The following PCDHA13 variants were observed in gnomAD, a reference collection of about 807,000 sequenced individuals.
The protein encoded by PCDHA13 is protocadherin alpha 13, also known as protocadherin alpha-13.
PCDHA13 carries 54 observed loss-of-function variants against 64.8 expected under a neutral mutation model. The ratio of observed to expected loss-of-function variants is 0.83; its 90% CI spans 0.67 to 1.04. PCDHA13 has a LOEUF of 1.04. Ranked by LOEUF, PCDHA13 falls within the 50% of genes least tolerant of loss-of-function variation. The pLI is 0.00. For synonymous variants in PCDHA13, 587 were observed against 564.4 expected (o/e 1.04, Z -0.57); for missense variants, 1,248 against 1,254.3 (o/e 0.99, Z 0.08).
chr5:140,997,606 A>G (rs1554255929), intron 3 of PCDHA13, among the ~76,000 whole-genome samples: 1 of 152,090 alleles, frequency 6.6e-6, no homozygotes, highest in Non-Finnish European at 1.5e-5. Context: ...TATGGGGCGC[A>G]TGACTATATA....
rs1169646324 is a variant in PCDHA13 at position 141,011,134 on chromosome 5, ATACACAACCT to A, written c.*1199_*1208del. The A allele has an allele frequency of 6.5e-6, 1 of 153,688 alleles. No homozygotes were observed. Among genetic ancestry groups the A allele is most frequent in the East Asian group, 1.9e-4 (1 of 5,194 alleles). The allele number at this position is 153,688 out of a possible 1,614,324, so 9.5% of individuals were successfully genotyped here. ...CTAAGAAACAATTATGTGCACTTTG[ATACACAACCT>A]TCTCTAACCAACTATATATCAAGAC... On this transcript the variant is annotated 3_prime_UTR_variant, in exon 4 of 4. Transcript: ENST00000289272.
chr5:140,909,496 G>C (rs1554193832), intron 1 of PCDHA13, among the ~76,000 whole-genome samples: 1 of 152,168 alleles, frequency 6.6e-6, no homozygotes, highest in African/African-American at 2.4e-5. Context: ...GCTGAACGGG[G>C]ATGTGGTGGG....
At chr5:140,954,618 G>C (rs1312581802) in intron 1 of PCDHA13, among the ~76,000 whole-genome samples, 3 of 152,078 alleles carry the variant, frequency 2.0e-5, no homozygotes, top group Non-Finnish European at 2.9e-5. Flanking sequence ...TAATGGGCTT[G>C]TTTGGGTTTT....
chr5:140,882,542 C>A lies in PCDHA13; in HGVS notation c.274C>A (p.Arg92Ser). ...TTTGTTTGTGAATTCTCGGATCGACCGCGAGGAGCTGTGTGGGCGGAGCGC... is the reference window on the plus strand; with the variant it reads ...TTTGTTTGTGAATTCTCGGATCGACAGCGAGGAGCTGTGTGGGCGGAGCGC... Reference protein sequence around the residue: ...GILFVNSRIDREELCGRSAEC... With the variant: ...GILFVNSRIDSEELCGRSAEC... Residue 92 changes from arginine (R) to serine (S), a missense_variant, in exon 1 of 4, where the codon CGC (arginine) becomes AGC (serine). Physicochemically the swap from Arg to Ser is moderately radical, Grantham distance 110. Coordinates refer to ENST00000289272, the MANE Select transcript of PCDHA13 (RefSeq NM_018904.3). The A allele has an allele frequency of 3.1e-6, 5 of 1,614,166 alleles. No individual in the cohort carries two copies. Among genetic ancestry groups the A allele is most frequent in the Non-Finnish European group, 3.4e-6 (4 of 1,180,040 alleles).
chr5:140,958,724 A>G (rs1563299236), intron 1 of PCDHA13, among the ~76,000 whole-genome samples: 1 of 152,188 alleles, frequency 6.6e-6, no homozygotes, highest in Admixed American at 6.5e-5. Context: ...TAAATGTAAC[A>G]CTGAATGGGA....
At chr5:140,986,397 C>T (rs943993265) in intron 3 of PCDHA13, among the ~76,000 whole-genome samples, 8 of 152,280 alleles carry the variant, frequency 5.3e-5, no homozygotes, top group Admixed American at 3.9e-4. Flanking sequence ...AAGGGCCAGT[C>T]GCTCATGTTA....
In PCDHA13 at chr5:140,883,696, G is replaced by C. The variant is rs142212706; in HGVS notation, c.1428G>C (p.Thr476=). Residue 476 remains threonine, a synonymous_variant, in exon 1 of 4, where the codon ACG becomes ACC. Transcript: ENST00000289272. ...ATCCGCCGGGCTGCCACATCTTCAC[G>C]GTGTCTGCTCAGGACGCGGACGCAC... ...ENNPPGCHIF[T]VSAQDADAQE... is the part of the protein sequence containing the mutation. The C allele has an allele frequency of 1.7e-4, 276 of 1,613,818 alleles. 1 individual carries two copies. In the African/African-American group the frequency reaches 3.2e-3, roughly 19 times the overall value.
In PCDHA13 at chr5:140,898,801, A is replaced by T. The variant is rs1275933236; in HGVS notation, c.2394+14139A>T. The stretch of plus-strand genomic sequence containing the variant: ...TGGGCAGTATGGCCATTTTCACGAT[A>T]CTGATTCTTCCTACCCATGAGCATG... On this transcript the variant is annotated intron_variant, in intron 1 of 3. Coordinates refer to ENST00000289272, the MANE Select transcript of PCDHA13 (RefSeq NM_018904.3). Among the ~76,000 whole-genome samples the T allele has an allele frequency of 1.3e-5, 2 of 152,200 alleles. 1 individual carries two copies. The highest frequency in any genetic ancestry group is 3.8e-4 in the East Asian group (2 of 5,198).
At chr5:140,937,866 C>T (rs892440956) in intron 1 of PCDHA13, among the ~76,000 whole-genome samples, 4 of 150,734 alleles carry the variant, frequency 2.7e-5, no homozygotes, top group African/African-American at 4.9e-5. Flanking sequence ...GAGCCGAGAT[C>T]GCGCCACTGC....
intron 3 of PCDHA13, among the ~76,000 whole-genome samples, chr5:141,004,120 T>C (rs1340380913): frequency 6.6e-6 from 1 of 152,178 alleles, no homozygotes; most frequent in African/African-American, 2.4e-5. Flanking sequence ...AAAGGGAGTA[T>C]CTCCATGATT....
intron 1 of PCDHA13, among the ~76,000 whole-genome samples, chr5:140,902,264 C>G (rs1187258512): frequency 6.8e-6 from 1 of 147,240 alleles, no homozygotes; most frequent in Admixed American, 6.9e-5. Context: ...TCTCGAACTC[C>G]TGGGCTCAAG....
chr5:140,887,125 C>A (rs1391575318), intron 1 of PCDHA13, among the ~76,000 whole-genome samples: 1 of 150,082 alleles, frequency 6.7e-6, no homozygotes, highest in East Asian at 2.0e-4. Context: ...GAGACGGAGT[C>A]TCACTCTGTC....
intron 1 of PCDHA13, among the ~76,000 whole-genome samples, chr5:140,961,987 C>T (rs1411300268): frequency 1.3e-5 from 2 of 151,942 alleles, no homozygotes; most frequent in African/African-American, 4.8e-5. Context: ...GGGTTCACGC[C>T]ATTGTCCTGC....
intron 3 of PCDHA13, among the ~76,000 whole-genome samples, chr5:141,008,297 A>G (rs2098368469): frequency 6.6e-6 from 1 of 152,178 alleles, no homozygotes; most frequent in South Asian, 2.1e-4. Context: ...GTTGTACCCA[A>G]CCCTAAACTG....
chr5:140,898,423 C>T (rs1257208141), intron 1 of PCDHA13, among the ~76,000 whole-genome samples: 1 of 152,106 alleles, frequency 6.6e-6, no homozygotes, highest in African/African-American at 2.4e-5. Flanking sequence ...GCCAGTTTTC[C>T]CAGCACCATT....
chr5:140,958,197 A>G (rs896064147), intron 1 of PCDHA13, among the ~76,000 whole-genome samples: 7 of 152,140 alleles, frequency 4.6e-5, no homozygotes, highest in Non-Finnish European at 1.0e-4. Context: ...CTGGTCTAGT[A>G]TACAAGGGAA....
intron 1 of PCDHA13, chr5:140,926,257 C>CT (rs1336723706): frequency 4.6e-5 from 7 of 152,300 alleles, no homozygotes; most frequent in African/African-American, 1.7e-4. Flanking sequence ...ACCGTCCCGC[C>CT]TCTCGCCGCC....
intron 1 of PCDHA13, among the ~76,000 whole-genome samples, chr5:140,924,936 TAAAAA>T (rs2082205335): frequency 8.1e-6 from 1 of 123,442 alleles, no homozygotes; most frequent in East Asian, 2.8e-4. Context: ...TAAAATAAAA[TAAAAA>T]GTTAAAAAAA....
At chr5:140,909,870 C>T (rs2074741279) in intron 1 of PCDHA13, among the ~76,000 whole-genome samples, 1 of 152,206 alleles carries the variant, frequency 6.6e-6, no homozygotes. Context: ...GAGTCAACGT[C>T]AGCTTAGAGA....
Sources: allele counts gnomAD v4.1 joint callset (sites outside exome capture counted in the v4.1 genomes callset), GRCh38; gene constraint gnomAD v4.1.1; transcripts MANE v1.5; gene names NCBI Gene and HGNC (gene_info 2026-07-23, HGNC 2026-07-21).